Variants in KIF14 observed in about 807,000 individuals in gnomAD.
The protein encoded by KIF14 is kinesin-like protein KIF14.
In KIF14, 98 loss-of-function variants were observed where a neutral mutation model predicts 176.2. That is an observed-to-expected ratio of 0.56 (90% confidence interval 0.47 to 0.66). The LOEUF (loss-of-function observed/expected upper bound fraction) is 0.66, where lower values mean the gene tolerates loss of function less well. Ranked by LOEUF, KIF14 falls within the 30% of genes least tolerant of loss-of-function variation. The probability of loss-of-function intolerance (pLI) is 0.00; values close to 1 mark genes in which losing one functional copy is unlikely to be tolerated. For missense variants in KIF14, 1,751 were observed against 1,920.4 expected (o/e 0.91, Z 1.65); for synonymous variants, 566 against 632.2 (o/e 0.90, Z 1.57).
At chr1:200,614,787 CTA>C (rs1231121418) in intron 3 of KIF14, among the ~76,000 whole-genome samples, 2 of 40,074 alleles carry the variant, frequency 5.0e-5, no homozygotes, top group African/African-American at 1.7e-4. Flanking sequence ...ACAAACCTTG[CTA>C]CAAAAAAAAA....
intron 28 of KIF14, among the ~76,000 whole-genome samples, chr1:200,555,155 C>T (rs1425591456): frequency 6.6e-6 from 1 of 152,050 alleles, no homozygotes; most frequent in Non-Finnish European, 1.5e-5. Flanking sequence ...CAATAAGAAA[C>T]AGACATATTA....
intron 27 of KIF14, among the ~76,000 whole-genome samples, chr1:200,556,866 A>C (rs1025865190): frequency 6.6e-6 from 1 of 152,248 alleles, no homozygotes; most frequent in Non-Finnish European, 1.5e-5. Flanking sequence ...AGCCTTTGAC[A>C]GCCCAATATA....
At position 200,565,263 on chromosome 1, in the gene KIF14, A is replaced by C. The variant is rs756684867; in HGVS notation, c.3887-10T>G. On this transcript the variant is annotated splice_polypyrimidine_tract_variant and intron_variant, in intron 24 of 29. Coordinates refer to ENST00000367350, the MANE Select transcript of KIF14 (RefSeq NM_014875.3). ...CGATCAGAAGAAAACACTTTGAAAG[A>C]AGAAGAAAAATTACTGAATGAAATA... 3.2e-6 allele frequency: 5 copies of C among 1,579,288 alleles called. No homozygotes were observed. In the South Asian group the frequency reaches 5.8e-5, roughly 18 times the overall value.
rs1410610212 is a variant in KIF14, at chr1:200,559,323, A to C, written c.4353+7T>G. The C allele has an allele frequency of 1.9e-6, 3 of 1,546,806 alleles. No individual in the cohort carries two copies. In the African/African-American group the frequency reaches 4.2e-5, roughly 22 times the overall value. ...TACTGTACAGAATATTCTTTTATTC[A>C]TCTTACCTCATTTTTTGTACACTGC... On this transcript the variant is annotated splice_region_variant and intron_variant, in intron 27 of 29. Coordinates refer to ENST00000367350, the MANE Select transcript of KIF14 (RefSeq NM_014875.3).
At chr1:200,606,527 T>C (rs1028709316) in intron 6 of KIF14, among the ~76,000 whole-genome samples, 5 of 152,138 alleles carry the variant, frequency 3.3e-5, no homozygotes, top group African/African-American at 7.2e-5. Flanking sequence ...ACAGGTACTA[T>C]GAAAGACACA....
intron 2 of KIF14, among the ~76,000 whole-genome samples, 175 bp from the exon 3 acceptor site, chr1:200,615,784 T>C (rs555284847): frequency 6.6e-6 from 1 of 152,296 alleles, no homozygotes; most frequent in East Asian, 1.9e-4. Flanking sequence ...GTTTCCAAAA[T>C]ATATTTCCTG....
Position 200,598,269 on chromosome 1 carries a change from C to A in KIF14, c.2517G>T (p.Gln839His). The A allele has an allele frequency of 6.2e-7, 1 of 1,613,024 alleles. No individual in the cohort carries two copies. The highest frequency in any genetic ancestry group is 1.1e-5 in the South Asian group (1 of 90,842). The change falls in exon 14 of 30, where the codon CAG (glutamine) becomes CAT (histidine). Residue 839 changes from glutamine (Q) to histidine (H), a missense_variant. Gln to His is a conservative substitution (Grantham distance 24, BLOSUM62 0). Transcript: ENST00000367350. Reference protein sequence around the residue: ...KYKPNSSHDIQLSGVLIADDH... With the variant: ...KYKPNSSHDIHLSGVLIADDH... ...CATCAGCAATCAGCACCCCAGATAACTGAATATCATGGCTTGAGTTTGGTT... is the reference window on the plus strand; with the variant it reads ...CATCAGCAATCAGCACCCCAGATAAATGAATATCATGGCTTGAGTTTGGTT...
intron 2 of KIF14, among the ~76,000 whole-genome samples, chr1:200,615,815 G>A (rs2102782456): frequency 6.6e-6 from 1 of 152,008 alleles, no homozygotes; most frequent in East Asian, 1.9e-4. Flanking sequence ...GCCACCAAAG[G>A]GAAAATCCCA....
rs1558082522 is a variant in KIF14 at position 200,602,075 on chromosome 1, G to A, written c.1980-7C>T. ...CAGACTTTCTTTTAACAGCCTACAA[G>A]AAAAAAAGTCATAAGACTTTGCTTC... On this transcript the variant is annotated splice_region_variant and splice_polypyrimidine_tract_variant and intron_variant, in intron 10 of 29. Coordinates refer to ENST00000367350, the MANE Select transcript of KIF14 (RefSeq NM_014875.3). 3.1e-6 allele frequency: 5 copies of A among 1,602,960 alleles called. No homozygotes were observed. Among genetic ancestry groups the A allele is most frequent in the Admixed American group, 1.7e-5 (1 of 57,534 alleles).
At chr1:200,615,731 G>T in intron 2 of KIF14, 122 bp from the exon 3 acceptor site, 1 of 864,704 alleles carries the variant, frequency 1.2e-6, no homozygotes, top group Non-Finnish European at 1.7e-6. Flanking sequence ...TAATTCTGTA[G>T]TTTTATGTGG....
chr1:200,589,517 A>AAATT, intron 17 of KIF14, 148 bp from the exon 18 acceptor site: 2 of 539,216 alleles, frequency 3.7e-6, no homozygotes, highest in Admixed American at 3.8e-5. Flanking sequence ...AGGTTAACTA[A>AAATT]AAATACTTAA....
intron 10 of KIF14, among the ~76,000 whole-genome samples, chr1:200,602,581 C>G (rs934998991): frequency 6.6e-6 from 1 of 152,032 alleles, no homozygotes; most frequent in Non-Finnish European, 1.5e-5. Context: ...CAGATTTTCC[C>G]TTATAGGTTT....
intron 19 of KIF14, among the ~76,000 whole-genome samples, chr1:200,582,704 G>C (rs1658526665): frequency 6.6e-6 from 1 of 151,880 alleles, no homozygotes; most frequent in South Asian, 2.1e-4. Context: ...ACAAAAATTA[G>C]TCAGGCGTGG....
chr1:200,566,283 CTT>C (rs766736888), intron 23 of KIF14, among the ~76,000 whole-genome samples: 7 of 139,520 alleles, frequency 5.0e-5, no homozygotes, highest in Admixed American at 7.2e-5. Context: ...TTCTTTCTTT[CTT>C]TTTTTTTTTT....
At position 200,565,196 on chromosome 1, in the gene KIF14, T is replaced by C. The variant is rs2102591003; in HGVS notation, c.3944A>G (p.Glu1315Gly). 1 of 1,613,978 alleles carries C rather than the reference T, an allele frequency of 6.2e-7. No individual in the cohort carries two copies. The highest frequency in any genetic ancestry group is 8.5e-7 in the Non-Finnish European group (1 of 1,179,956). ...SLTIQTACAF[E>G]QLVVLMKHWL... The stretch of plus-strand genomic sequence containing the variant: ...GTGTTTCATTAGCACTACTAGCTGC[T>C]CAAAAGCACATGCAGTCTGAATAGT... The change falls in exon 25 of 30, where the codon GAG becomes GGG. Residue 1315 changes from glutamate (E) to glycine (G), a missense_variant. Transcript: ENST00000367350.
rs144628404 is a variant in KIF14, at chr1:200,578,815, G to A, written c.3465+1439C>T. Reference sequence around the variant, plus strand: ...TTTCATTTAACAAAAAATTCAGCCAGGCGTGGTGGCTCACACCTGTAATCC... The same window carrying A: ...TTTCATTTAACAAAAAATTCAGCCAAGCGTGGTGGCTCACACCTGTAATCC... On this transcript the variant is annotated intron_variant, in intron 21 of 29. Coordinates refer to ENST00000367350, the MANE Select transcript of KIF14 (RefSeq NM_014875.3). Among the ~76,000 whole-genome samples, 234 of 152,286 alleles carry A rather than the reference G, an allele frequency of 1.5e-3. 7 individuals carry two copies. The East Asian group carries it at 0.041, about 26-fold the overall frequency.
chr1:200,580,224 AT>A, intron 21 of KIF14, 29 bp downstream of exon 21: 1 of 1,194,766 alleles, frequency 8.4e-7, no homozygotes, highest in Non-Finnish European at 1.1e-6. Flanking sequence ...ATTTTAAAAA[AT>A]TTATAGAGAT....
intron 22 of KIF14, among the ~76,000 whole-genome samples, chr1:200,574,094 T>C (rs1393462077): frequency 6.6e-6 from 1 of 152,164 alleles, no homozygotes; most frequent in Non-Finnish European, 1.5e-5. Context: ...AATGACAATA[T>C]CTACTTCATA....
At chr1:200,613,037 G>T (rs1660236298) in intron 4 of KIF14, among the ~76,000 whole-genome samples, 1 of 151,852 alleles carries the variant, frequency 6.6e-6, no homozygotes. Flanking sequence ...ACAGGCATGT[G>T]CCACCACACC....
Sources: allele counts gnomAD v4.1 joint callset (sites outside exome capture counted in the v4.1 genomes callset), GRCh38; gene constraint gnomAD v4.1.1; transcripts MANE v1.5; gene names NCBI Gene and HGNC (gene_info 2026-07-23, HGNC 2026-07-21).